The following AMPH variants were observed in gnomAD, a reference collection of about 807,000 sequenced individuals.
AMPH encodes the protein amphiphysin (Stiff-Mann syndrome with breast cancer 128kD autoantigen).
In AMPH, 49 loss-of-function variants were observed where a neutral mutation model predicts 99.1. The ratio of observed to expected loss-of-function variants is 0.49; its 90% confidence interval spans 0.39 to 0.63. The LOEUF is 0.63. Ranked by LOEUF, AMPH falls within the 20% of genes least tolerant of loss-of-function variation. The pLI is 0.00. For synonymous variants in AMPH, 314 were observed against 317.3 expected, an observed-to-expected ratio of 0.99 and a Z score of 0.11; for missense variants, 759 against 863.4, an observed-to-expected ratio of 0.88 and a Z score of 1.52.
intron 1 of AMPH, among the ~76,000 whole-genome samples, chr7:38,568,961 T>C (rs1455470332): frequency 2.0e-5 from 3 of 152,144 alleles, no homozygotes; most frequent in Non-Finnish European, 4.4e-5. Context: ...TTGAGTTATA[T>C]AAAAACTGAT....
chr7:38,513,388 A>G (rs1789615943), intron 2 of AMPH, among the ~76,000 whole-genome samples: 1 of 152,224 alleles, frequency 6.6e-6, no homozygotes, highest in African/African-American at 2.4e-5. Context: ...GGAGACACCC[A>G]TTGAACCTGG....
intron 1 of AMPH, among the ~76,000 whole-genome samples, chr7:38,608,262 CT>C (rs1230472154): frequency 3.9e-5 from 6 of 152,168 alleles, no homozygotes; most frequent in Non-Finnish European, 8.8e-5. Context: ...TCCCGGTCAG[CT>C]TTCCCAGGTG....
intron 1 of AMPH, among the ~76,000 whole-genome samples, chr7:38,593,821 G>A (rs941086150): frequency 5.9e-5 from 9 of 152,192 alleles, no homozygotes; most frequent in Admixed American, 3.3e-4. Context: ...CACATAGTGC[G>A]TGAGATGATA....
At chr7:38,594,949 G>C (rs922841510) in intron 1 of AMPH, among the ~76,000 whole-genome samples, 1 of 152,206 alleles carries the variant, frequency 6.6e-6, no homozygotes, top group Non-Finnish European at 1.5e-5. Flanking sequence ...GGGGGGGAAA[G>C]AATTTTAAGA....
Position 38,425,896 on chromosome 7 carries a change from G to A in AMPH, c.1215+1058C>T, listed in dbSNP as rs117635934. On this transcript the variant is annotated intron_variant, in intron 15 of 20. Coordinates refer to ENST00000356264, the MANE Select transcript of AMPH (RefSeq NM_001635.4). ...AAAGTTGTTACTTTTAAAATTATGTGCATTAATAACTCTGATGGAAATACA... is the reference window on the plus strand; with the variant it reads ...AAAGTTGTTACTTTTAAAATTATGTACATTAATAACTCTGATGGAAATACA... Among the ~76,000 whole-genome samples, 643 of 152,240 alleles carry A rather than the reference G, an allele frequency of 4.2e-3. 1 individual carries two copies. The highest frequency in any genetic ancestry group is 6.4e-3 in the Non-Finnish European group (438 of 67,998).
chr7:38,406,731 C>T (rs75875821), intron 17 of AMPH, among the ~76,000 whole-genome samples: 18,275 of 79,526 alleles, frequency 0.23, 3,022 homozygotes, highest in East Asian at 0.42. Context: ...TCTCCCTTTC[C>T]CTCTCTCTCT....
chr7:38,603,012 C>G (rs1172997855), intron 1 of AMPH, among the ~76,000 whole-genome samples: 1 of 152,090 alleles, frequency 6.6e-6, no homozygotes, highest in African/African-American at 2.4e-5. Flanking sequence ...CTGACAACAC[C>G]TGAATCAGGT....
chr7:38,574,114 GAAC>G (rs1792146277), intron 1 of AMPH, among the ~76,000 whole-genome samples: 1 of 152,156 alleles, frequency 6.6e-6, no homozygotes, highest in South Asian at 2.1e-4. Context: ...TTGCTATCCT[GAAC>G]AGTCAGCTAA....
chr7:38,413,862 A>G (rs911950018), intron 17 of AMPH, among the ~76,000 whole-genome samples: 1 of 152,216 alleles, frequency 6.6e-6, no homozygotes, highest in African/African-American at 2.4e-5. Context: ...GATCACATCT[A>G]GAGGCACAGG....
intron 1 of AMPH, among the ~76,000 whole-genome samples, chr7:38,562,264 T>C (rs1300232538): frequency 6.6e-6 from 1 of 152,206 alleles, no homozygotes; most frequent in Non-Finnish European, 1.5e-5. Context: ...CCAATAAACC[T>C]GACATTCAAA....
At chr7:38,620,544 TAC>T (rs1348103863) in intron 1 of AMPH, among the ~76,000 whole-genome samples, 1 of 111,146 alleles carries the variant, frequency 9.0e-6, no homozygotes, top group African/African-American at 3.4e-5. Flanking sequence ...TATATATACA[TAC>T]ATACACACAC....
chr7:38,620,999 A>C (rs1794039488), intron 1 of AMPH, among the ~76,000 whole-genome samples: 1 of 152,216 alleles, frequency 6.6e-6, no homozygotes, highest in Non-Finnish European at 1.5e-5. Context: ...CAAATGAGAG[A>C]AGAGATCATT....
At chr7:38,431,014 G>C (rs543135075) in intron 13 of AMPH, among the ~76,000 whole-genome samples, 5 of 152,306 alleles carry the variant, frequency 3.3e-5, no homozygotes, top group African/African-American at 1.2e-4. Context: ...TACAACTTAA[G>C]TTGAGTTCTT....
chr7:38,391,014 A>G (rs12701627), intron 19 of AMPH, among the ~76,000 whole-genome samples: 199 of 89,978 alleles, frequency 2.2e-3, no homozygotes, highest in South Asian at 6.0e-3. Context: ...AGAGAGAGAG[A>G]GAATGATACA....
At chr7:38,591,577 AC>A (rs1475303460) in intron 1 of AMPH, among the ~76,000 whole-genome samples, 3 of 152,128 alleles carry the variant, frequency 2.0e-5, no homozygotes, top group Non-Finnish European at 2.9e-5. Flanking sequence ...ATAAGCCACC[AC>A]GCCTGGCCCC....
At chr7:38,501,444 C>T (rs1258227395) in intron 3 of AMPH, among the ~76,000 whole-genome samples, 3 of 152,162 alleles carry the variant, frequency 2.0e-5, no homozygotes, top group African/African-American at 7.2e-5. Flanking sequence ...CTCAGCCTCC[C>T]AAAGTGCTCG....
In AMPH at chr7:38,391,963, C is replaced by G; in HGVS notation, c.1663G>C (p.Gly555Arg). 6.2e-7 allele frequency: 1 copy of G among 1,611,170 alleles called. No homozygotes were observed. Residue 555 changes from glycine to arginine, a missense_variant, in exon 19 of 21, where the codon GGA becomes CGA. This residue lies in a region of AMPH where 554 missense variants were observed against 575.6 expected (regional missense o/e 0.96). Transcript: ENST00000356264. Reference protein sequence around the residue: ...IEPASNHEEEGENEITIGAEP... With the variant: ...IEPASNHEEERENEITIGAEP... ...GCACCTATAGTTATTTCGTTTTCTC[C>G]TTCCTCTTCATGGTTGGAGGCAGGC...
intron 2 of AMPH, among the ~76,000 whole-genome samples, chr7:38,506,290 C>T (rs1387837428): frequency 6.6e-6 from 1 of 152,036 alleles, no homozygotes; most frequent in Non-Finnish European, 1.5e-5. Flanking sequence ...AATCTAACCA[C>T]AACAATAAAA....
chr7:38,531,901 T>C (rs1790413558), intron 2 of AMPH, among the ~76,000 whole-genome samples: 1 of 151,834 alleles, frequency 6.6e-6, no homozygotes, highest in Non-Finnish European at 1.5e-5. Flanking sequence ...ATGCTTTGTC[T>C]CTTCAGAGTA....
Sources: allele counts gnomAD v4.1 joint callset (sites outside exome capture counted in the v4.1 genomes callset), GRCh38; gene constraint gnomAD v4.1.1; regional missense constraint gnomAD v4.1.1; transcripts MANE v1.5; gene names NCBI Gene and HGNC (gene_info 2026-07-23, HGNC 2026-07-21).